Variants in NCF4 observed in about 807,000 individuals in gnomAD.
The protein encoded by NCF4 is neutrophil cytosolic factor 4.
A neutral mutation model predicts 41.7 loss-of-function variants in NCF4; 30 were observed. That is an observed-to-expected ratio of 0.72 (90% confidence interval 0.54 to 0.97). NCF4 has a LOEUF of 0.97. Among genes scored for constraint, NCF4 ranks in the 50% least tolerant of loss-of-function variants. The pLI is 0.00. For synonymous variants in NCF4, 195 were observed against 175.8 expected, an observed-to-expected ratio of 1.11 and a Z score of -0.87; for missense variants, 432 against 460.9, an observed-to-expected ratio of 0.94 and a Z score of 0.57.
At chr22:36,870,595 G>A (rs1940034121) in intron 5 of NCF4, 53 bp downstream of exon 5, 1 of 1,597,096 alleles carries the variant, frequency 6.3e-7, no homozygotes, top group Non-Finnish European at 8.5e-7. Flanking sequence ...GGTCCCTGCT[G>A]GAAAAGCATC....
intron 5 of NCF4, 89 bp downstream of exon 5, chr22:36,870,631 A>C: frequency 6.5e-7 from 1 of 1,531,886 alleles, no homozygotes; most frequent in Non-Finnish European, 8.9e-7. Context: ...GAGAGAAGGA[A>C]AATACAGATC....
intron 4 of NCF4, among the ~76,000 whole-genome samples, chr22:36,869,173 C>T (rs1389847657): frequency 6.6e-6 from 1 of 152,190 alleles, no homozygotes; most frequent in African/African-American, 2.4e-5. Context: ...ATTCACATCT[C>T]TGTGACTCCA....
chr22:36,867,578 T>C lies in NCF4; in HGVS notation c.342+116T>C, dbSNP rs1295697472. On this transcript the variant is annotated intron_variant, in intron 4 of 9. Transcript: ENST00000248899. ...ACTGGGGCTGGCTCTCTGGCTCTGA[T>C]GGCCCCATCTTCAATCCCTAAAGGC... 3 of 1,087,976 alleles carry C rather than the reference T, an allele frequency of 2.8e-6. No individual in the cohort carries two copies. In the African/African-American group the frequency reaches 4.7e-5, roughly 17 times the overall value. 67.4% of individuals were successfully genotyped at this position (1,087,976 alleles called of 1,614,324 possible). A position where few individuals can be genotyped will look rare whatever the true frequency, so the allele number is the denominator to read the frequency against.
chr22:36,876,355 C>T (rs1940194466), intron 9 of NCF4, among the ~76,000 whole-genome samples: 1 of 152,162 alleles, frequency 6.6e-6, no homozygotes, highest in Admixed American at 6.5e-5. Flanking sequence ...GCTAAAGTCT[C>T]TCTGGCTAAA....
intron 7 of NCF4, among the ~76,000 whole-genome samples, chr22:36,872,842 G>A (rs1431925093): frequency 6.8e-6 from 1 of 146,464 alleles, no homozygotes; most frequent in East Asian, 2.1e-4. Context: ...AGGTAAGGGT[G>A]GACGTGAGGA....
chr22:36,867,029 C>T (rs879667419), intron 3 of NCF4, among the ~76,000 whole-genome samples: 1 of 151,532 alleles, frequency 6.6e-6, no homozygotes, highest in African/African-American at 2.4e-5. Context: ...AATGTGCAGC[C>T]GGTGTTGCCA....
Position 36,878,004 on chromosome 22 carries a change from A to G in NCF4, c.*181A>G, listed in dbSNP as rs1206495029. On this transcript the variant is annotated 3_prime_UTR_variant, in exon 10 of 10. Coordinates refer to ENST00000248899, the MANE Select transcript of NCF4 (RefSeq NM_000631.5). ...ACATCTGATTTAAATAAACCATTCCATCTGAAAGGGGCAGGCTGCGGGAAA... is the reference window on the plus strand; with the variant it reads ...ACATCTGATTTAAATAAACCATTCCGTCTGAAAGGGGCAGGCTGCGGGAAA... The G allele has an allele frequency of 3.1e-6, 2 of 648,894 alleles. No individual in the cohort carries two copies. Among genetic ancestry groups the G allele is most frequent in the Non-Finnish European group, 2.6e-6 (1 of 382,000 alleles). 40.2% of individuals were successfully genotyped at this position (648,894 alleles called of 1,614,324 possible). A position where few individuals can be genotyped will look rare whatever the true frequency, so the allele number is the denominator to read the frequency against.
chr22:36,875,122 C>T (rs939157776), intron 7 of NCF4, among the ~76,000 whole-genome samples: 4 of 152,088 alleles, frequency 2.6e-5, no homozygotes, highest in African/African-American at 9.7e-5. Flanking sequence ...CTCCACCTGC[C>T]AGGTTCAAGT....
intron 4 of NCF4, chr22:36,870,075 C>T (rs140156771): frequency 3.2e-4 from 122 of 377,842 alleles, no homozygotes; most frequent in African/African-American, 2.4e-3. Context: ...GGAGCAAGGG[C>T]GCGCATGTGA....
At chr22:36,869,171 C>T (rs779153624) in intron 4 of NCF4, among the ~76,000 whole-genome samples, 6 of 152,200 alleles carry the variant, frequency 3.9e-5, no homozygotes, top group Non-Finnish European at 8.8e-5. Context: ...GAATTCACAT[C>T]TCTGTGACTC....
At chr22:36,869,755 G>T (rs546938471) in intron 4 of NCF4, among the ~76,000 whole-genome samples, 54 of 152,294 alleles carry the variant, frequency 3.5e-4, no homozygotes, top group Non-Finnish European at 6.3e-4. Context: ...TAGGGCTCAA[G>T]TCCGGGCCCT....
chr22:36,875,928 T>C lies in NCF4; in HGVS notation c.759-101T>C, dbSNP rs200848048. 2 of 1,614,132 alleles carry C rather than the reference T, an allele frequency of 1.2e-6. No individual in the cohort carries two copies. The highest frequency in any genetic ancestry group is 2.2e-5 in the East Asian group (1 of 44,876). ...TGAGCCACAATGCTGTAACAAGCCA[T>C]CAACGTCCAGGGTGGCCTGGCCAGC... is the stretch of plus-strand genomic sequence containing the variant. On this transcript the variant is annotated intron_variant, in intron 8 of 9. Coordinates refer to ENST00000248899, the MANE Select transcript of NCF4 (RefSeq NM_000631.5).
At chr22:36,873,114 G>T (rs1052534209) in intron 7 of NCF4, among the ~76,000 whole-genome samples, 1 of 150,690 alleles carries the variant, frequency 6.6e-6, no homozygotes, top group Non-Finnish European at 1.5e-5. Flanking sequence ...ATGGAGGTGA[G>T]CGTGGAGGTG....
chr22:36,861,339 G>A (rs887041076), intron 1 of NCF4, 136 bp downstream of exon 1: 2 of 1,161,676 alleles, frequency 1.7e-6, no homozygotes, highest in Non-Finnish European at 2.5e-6. Flanking sequence ...ACTCAGAAAT[G>A]CAACCTCTCA....
At chr22:36,873,068 TTGGAGGTGAGGA>T (rs1263229175) in intron 7 of NCF4, among the ~76,000 whole-genome samples, 2 of 108,532 alleles carry the variant, frequency 1.8e-5, no homozygotes, top group Admixed American at 9.0e-5. Context: ...GGAGGTAAGG[TTGGAGGTGAGGA>T]TGGAGGTGAG....
At chr22:36,868,068 A>G (rs1484980378) in intron 4 of NCF4, among the ~76,000 whole-genome samples, 3 of 152,218 alleles carry the variant, frequency 2.0e-5, no homozygotes, top group Non-Finnish European at 4.4e-5. Context: ...AGGAAGGAGC[A>G]TCTTAAAGGC....
chr22:36,866,087 A>G (rs922691554), intron 3 of NCF4, among the ~76,000 whole-genome samples: 2 of 152,042 alleles, frequency 1.3e-5, no homozygotes. Context: ...CTGTCTTTAA[A>G]CAATCCTGAG....
Position 36,861,042 on chromosome 22 carries a change from C to A in NCF4, c.-130C>A. 8.0e-7 allele frequency: 1 copy of A among 1,254,004 alleles called. No individual in the cohort carries two copies. Among genetic ancestry groups the A allele is most frequent in the African/African-American group, 1.5e-5 (1 of 67,274 alleles). The allele number at this position is 1,254,004 out of a possible 1,614,324, so 77.7% of individuals were successfully genotyped here. On this transcript the variant is annotated 5_prime_UTR_variant, in exon 1 of 10. Transcript: ENST00000248899. Reference sequence around the variant, plus strand: ...AAGCAGGCCTGAGCCTCCCCAAAGGCAGCTCCTGGGGACTCCCAGGACCAC... The same window carrying A: ...AAGCAGGCCTGAGCCTCCCCAAAGGAAGCTCCTGGGGACTCCCAGGACCAC...
chr22:36,877,441 C>T (rs1449891562), intron 9 of NCF4, among the ~76,000 whole-genome samples, 187 bp from the exon 10 acceptor site: 3 of 152,196 alleles, frequency 2.0e-5, no homozygotes, highest in Non-Finnish European at 2.9e-5. Context: ...CCAGCCTCTT[C>T]TCCCTTTTAG....
Sources: gnomAD v4.1 joint callset for allele counts (sites outside exome capture counted in the v4.1 genomes callset) on GRCh38, gnomAD v4.1.1 for gene constraint, MANE v1.5 for transcripts, NCBI Gene and HGNC (gene_info 2026-07-23, HGNC 2026-07-21) for gene names.